The following ZMYM1 variants were observed in gnomAD, a reference collection of about 807,000 sequenced individuals.
The protein encoded by ZMYM1 is zinc finger MYM-type protein 1.
In ZMYM1, 39 loss-of-function variants were observed where a neutral mutation model predicts 60.0. The ratio of observed to expected loss-of-function variants is 0.65; its 90% CI spans 0.50 to 0.85. The LOEUF (loss-of-function observed/expected upper bound fraction) is 0.85, where lower values mean the gene tolerates loss of function less well. ZMYM1 is among the 40% of genes least tolerant of loss of function. The probability of loss-of-function intolerance (pLI) is 0.00; values close to 1 mark genes in which losing one functional copy is unlikely to be tolerated. For synonymous variants in ZMYM1, 413 were observed against 454.0 expected, an observed-to-expected ratio of 0.91 and a Z score of 1.15; for missense variants, 1,171 against 1,309.5, an observed-to-expected ratio of 0.89 and a Z score of 1.63.
At chr1:35,068,225 C>G (rs1642005135) in intron 1 of ZMYM1, among the ~76,000 whole-genome samples, 1 of 151,664 alleles carries the variant, frequency 6.6e-6, no homozygotes, top group Admixed American at 6.6e-5. Context: ...TCAAGAGCAG[C>G]CTGGCAAACA....
intron 4 of ZMYM1, among the ~76,000 whole-genome samples, chr1:35,101,132 G>A (rs1643628498): frequency 2.9e-5 from 4 of 136,662 alleles, no homozygotes; most frequent in South Asian, 2.3e-4. Flanking sequence ...TTTTTGAGGC[G>A]GAGTCTCACC....
chr1:35,103,928 A>G (rs1242919344), intron 4 of ZMYM1, among the ~76,000 whole-genome samples: 2 of 152,150 alleles, frequency 1.3e-5, no homozygotes, highest in African/African-American at 4.8e-5. Flanking sequence ...CAGGCTGGCT[A>G]GTCTCCAAAA....
In ZMYM1 at chr1:35,099,382, C is replaced by A. The variant is rs550184569; in HGVS notation, c.419+1816C>A. ...AAAACTGGAAGGGACCTTAGAGACT[C>A]ACTACACATCTTCAGCAGATGTCCC... On this transcript the variant is annotated intron_variant, in intron 4 of 9. Coordinates refer to ENST00000359858, the MANE Select transcript of ZMYM1 (RefSeq NM_024772.5). Among the ~76,000 whole-genome samples, 9 of 152,284 alleles carry A rather than the reference C, an allele frequency of 5.9e-5. No individual in the cohort carries two copies. The South Asian group carries it at 1.9e-3, about 32-fold the overall frequency.
upstream of ZMYM1, among the ~76,000 whole-genome samples, chr1:35,074,938 G>A (rs2148480786): frequency 6.6e-6 from 1 of 151,630 alleles, no homozygotes; most frequent in African/African-American, 2.4e-5. Flanking sequence ...TCGGCTCACT[G>A]CAAGCTCTGC....
intron 1 of ZMYM1, among the ~76,000 whole-genome samples, chr1:35,083,329 T>C (rs1286600154): frequency 6.6e-6 from 1 of 151,986 alleles, no homozygotes; most frequent in Non-Finnish European, 1.5e-5. Context: ...CTTTTAATTG[T>C]TTTTAGAGAT....
In ZMYM1 at chr1:35,115,111, A is replaced by C; in HGVS notation, c.3281A>C (p.Lys1094Thr). The C allele has an allele frequency of 6.2e-7, 1 of 1,614,136 alleles. No individual in the cohort carries two copies. The highest frequency in any genetic ancestry group is 8.5e-7 in the Non-Finnish European group (1 of 1,179,988). ...ENSFSTLPRL[K>T]TYLCNTMGQE... ...TCATTTTCTACCCTGCCTCGTCTTA[A>C]GACATATTTATGTAATACCATGGGA... The change falls in exon 10 of 10, where the codon AAG (lysine) becomes ACG (threonine). Residue 1094 changes from lysine to threonine, a missense_variant. Physicochemically the swap from Lys to Thr is moderately conservative, Grantham distance 78 (BLOSUM62 -1). Transcript: ENST00000359858.
At position 35,114,196 on chromosome 1, in the gene ZMYM1, G is replaced by T; in HGVS notation, c.2366G>T (p.Arg789Leu). The T allele has an allele frequency of 6.2e-7, 1 of 1,612,184 alleles. No individual in the cohort carries two copies. Among genetic ancestry groups the T allele is most frequent in the Non-Finnish European group, 8.5e-7 (1 of 1,179,456 alleles). The change falls in exon 10 of 10, where the codon CGA (arginine) becomes CTA (leucine). Residue 789 changes from arginine to leucine, a missense_variant. Transcript: ENST00000359858. ...TCTGGGGAAATGTTGGCAAATTTTC[G>T]AAACATTTATAGGCTAAGTCAAAAC... ...CMSGEMLANFRNIYRLSQNKT... is the reference protein window; with the variant it reads ...CMSGEMLANFLNIYRLSQNKT...
At chr1:35,088,448 ATATATATGTGTGTGTGTG>A (rs1229025378) in intron 1 of ZMYM1, among the ~76,000 whole-genome samples, 2 of 113,696 alleles carry the variant, frequency 1.8e-5, no homozygotes, top group East Asian at 2.5e-4. Flanking sequence ...ATATATATAT[ATATATATGTGTGTGTGTG>A]TGTGTGTGTG....
In ZMYM1 at chr1:35,095,800, A is replaced by ATTTTTTTTTTTTTT. The variant is rs147012894; in HGVS notation, c.97-9_97-8insTTTTTTTTTTTTTT. On this transcript the variant is annotated intron_variant, in intron 2 of 9. Transcript: ENST00000359858. ...ATTGTATTCACTATTTTTAATTATTATTTTTTTTTTCTTTTTAGGAGTATT... is the reference window on the plus strand; with the variant it reads ...ATTGTATTCACTATTTTTAATTATTATTTTTTTTTTTTTTTTTTTTTTTTCTTTTTAGGAGTATT... The ATTTTTTTTTTTTTT allele has an allele frequency of 7.0e-7, 1 of 1,422,436 alleles. No individual in the cohort carries two copies. The highest frequency in any genetic ancestry group is 9.6e-7 in the Non-Finnish European group (1 of 1,042,734). 88.1% of individuals were successfully genotyped at this position (1,422,436 alleles called of 1,614,324 possible).
intron 1 of ZMYM1, among the ~76,000 whole-genome samples, chr1:35,080,726 T>G (rs1470840580): frequency 6.6e-6 from 1 of 151,834 alleles, no homozygotes. Context: ...CTGACCGTCT[T>G]CTTTTTTCAT....
At chr1:35,081,684 A>G (rs1257898434) in intron 1 of ZMYM1, among the ~76,000 whole-genome samples, 1 of 152,064 alleles carries the variant, frequency 6.6e-6, no homozygotes, top group African/African-American at 2.4e-5. Flanking sequence ...TAGTATAAAG[A>G]AATAAAATTG....
At chr1:35,118,566 G>T (rs185917776), downstream of ZMYM1, among the ~76,000 whole-genome samples, 217 of 152,178 alleles carry the variant, frequency 1.4e-3, no homozygotes, top group African/African-American at 5.0e-3. Context: ...AATTAGCCAG[G>T]CGCAGTGGTG....
Position 35,114,049 on chromosome 1 carries a change from C to T in ZMYM1, c.2219C>T (p.Ala740Val), listed in dbSNP as rs1437857413. Residue 740 changes from alanine (A) to valine (V), a missense_variant, in exon 10 of 10, where the codon GCT becomes GTT. Transcript: ENST00000359858. ...AAEFKKEEPRALYIHCYAHFL... is the reference protein window; with the variant it reads ...AAEFKKEEPRVLYIHCYAHFL... ...GAATTCAAGAAAGAAGAACCAAGAG[C>T]TTTATACATACATTGTTATGCACAC... is the stretch of plus-strand genomic sequence containing the variant. 1.5e-5 allele frequency: 24 copies of T among 1,609,034 alleles called. No homozygotes were observed. Among genetic ancestry groups the T allele is most frequent in the Non-Finnish European group, 2.0e-5 (23 of 1,178,812 alleles).
chr1:35,086,859 A>G (rs1027793943), intron 1 of ZMYM1, among the ~76,000 whole-genome samples: 2 of 148,872 alleles, frequency 1.3e-5, no homozygotes, highest in South Asian at 2.1e-4. Flanking sequence ...TTTTTTTTGT[A>G]TTTTTAGTAG....
At chr1:35,118,400 GT>G (rs1638541482), downstream of ZMYM1, among the ~76,000 whole-genome samples, 1 of 152,088 alleles carries the variant, frequency 6.6e-6, no homozygotes, top group South Asian at 2.1e-4. Context: ...TTTTCTAGCT[GT>G]TTTTAGTTGT....
rs1289278879 is a variant in ZMYM1 at position 35,113,362 on chromosome 1, G to A, written c.1532G>A (p.Arg511Lys). 1 of 1,612,832 alleles carries A rather than the reference G, an allele frequency of 6.2e-7. No individual in the cohort carries two copies. Among genetic ancestry groups the A allele is most frequent in the Admixed American group, 1.7e-5 (1 of 59,768 alleles). ...TGGAAAAAAACCCTGGAAAAATTCA[G>A]AAAGCATGAAAAAAGTGAAATGCAT... is the stretch of plus-strand genomic sequence containing the variant. ...SNWKKTLEKFRKHEKSEMHLK... is the reference protein window; with the variant it reads ...SNWKKTLEKFKKHEKSEMHLK... The change falls in exon 10 of 10, where the codon AGA becomes AAA. Residue 511 changes from arginine to lysine, a missense_variant. By Grantham distance (26) the Arg-to-Lys change is conservative. Coordinates refer to ENST00000359858, the MANE Select transcript of ZMYM1 (RefSeq NM_024772.5).
At chr1:35,118,521 C>T (rs1001408747), downstream of ZMYM1, among the ~76,000 whole-genome samples, 2 of 151,764 alleles carry the variant, frequency 1.3e-5, no homozygotes, top group Admixed American at 6.6e-5. Context: ...GTCAGGAGAT[C>T]GAGACCATGG....
At chr1:35,108,363 T>A (rs930714045) in intron 6 of ZMYM1, among the ~76,000 whole-genome samples, 1 of 152,138 alleles carries the variant, frequency 6.6e-6, no homozygotes, top group Admixed American at 6.6e-5. Context: ...TTTGTTTTTG[T>A]TTTTTTGAGA....
intron 1 of ZMYM1, among the ~76,000 whole-genome samples, chr1:35,066,453 G>T (rs113674387): frequency 6.6e-6 from 1 of 152,052 alleles, no homozygotes; most frequent in African/African-American, 2.4e-5. Flanking sequence ...CTGCTTGGGC[G>T]TCCCAAAGTG....
Sources: gnomAD v4.1 joint callset for allele counts (sites outside exome capture counted in the v4.1 genomes callset) on GRCh38, gnomAD v4.1.1 for gene constraint, MANE v1.5 for transcripts, NCBI Gene and HGNC (gene_info 2026-07-23, HGNC 2026-07-21) for gene names.